The following CARM1 variants were observed in gnomAD, a reference collection of about 807,000 sequenced individuals.
CARM1 encodes the protein histone-arginine methyltransferase CARM1.
In CARM1, 14 loss-of-function variants were observed where a neutral mutation model predicts 72.7. That is an observed-to-expected ratio of 0.19 (90% CI 0.13 to 0.30). The LOEUF is 0.30. Among genes scored for constraint, CARM1 ranks in the 10% least tolerant of loss-of-function variants. The pLI, the probability that CARM1 is intolerant of heterozygous loss-of-function variation, is 1.00. For synonymous variants in CARM1, 333 were observed against 345.5 expected, an observed-to-expected ratio of 0.96 and a Z score of 0.40; for missense variants, 432 against 833.7, an observed-to-expected ratio of 0.52 and a Z score of 5.93.
intron 1 of CARM1, among the ~76,000 whole-genome samples, chr19:10,890,760 CATATACACACACACAT>C (rs1321692177): frequency 6.1e-4 from 75 of 122,966 alleles, no homozygotes; most frequent in Non-Finnish European, 1.2e-3. Flanking sequence ...TACACACACA[CATATACACACACACAT>C]ATATATATAT....
At chr19:10,883,044 T>C (rs1204678942) in intron 1 of CARM1, among the ~76,000 whole-genome samples, 1 of 152,002 alleles carries the variant, frequency 6.6e-6, no homozygotes, top group Non-Finnish European at 1.5e-5. Flanking sequence ...CTCTCTGCCT[T>C]TCCTGGCTGG....
chr19:10,910,476 G>C (rs1362684060), intron 4 of CARM1, among the ~76,000 whole-genome samples: 1 of 149,858 alleles, frequency 6.7e-6, no homozygotes, highest in Non-Finnish European at 1.5e-5. Flanking sequence ...GCAAGACTCC[G>C]TCTTAAAAAA....
chr19:10,917,382 C>T (rs2074206247), intron 8 of CARM1, among the ~76,000 whole-genome samples: 2 of 151,936 alleles, frequency 1.3e-5, no homozygotes, highest in Non-Finnish European at 2.9e-5. Flanking sequence ...GAGGCTGAGG[C>T]AGGAGAATGG....
In CARM1 at chr19:10,921,768, C is replaced by T. The variant is rs757974592; in HGVS notation, c.*11C>T. On this transcript the variant is annotated 3_prime_UTR_variant, in exon 16 of 16. Transcript: ENST00000327064. ...CACTACGGGAGCTAGGGGCCCGCCCCGCGGACTGACAGCACCAGGAAACCA... is the reference window on the plus strand; with the variant it reads ...CACTACGGGAGCTAGGGGCCCGCCCTGCGGACTGACAGCACCAGGAAACCA... 2.7e-5 allele frequency: 43 copies of T among 1,575,884 alleles called. No homozygotes were observed. The highest frequency in any genetic ancestry group is 4.5e-5 in the South Asian group (4 of 88,174).
At chr19:10,918,630 G>A (rs1319702299) in intron 8 of CARM1, among the ~76,000 whole-genome samples, 2 of 152,068 alleles carry the variant, frequency 1.3e-5, no homozygotes, top group Non-Finnish European at 2.9e-5. Flanking sequence ...AGTGTGCACC[G>A]CCCACCTTGC....
rs386474655 is a variant in CARM1 at position 10,915,398 on chromosome 19, G to T, written c.848-1009G>T. Among the ~76,000 whole-genome samples, 57 of 152,184 alleles carry T rather than the reference G, an allele frequency of 3.7e-4. No homozygotes were observed. Among genetic ancestry groups the T allele is most frequent in the South Asian group, 1.0e-3 (5 of 4,812 alleles). ...GTCCCAGCAGCCAGCTTGCAGGGAGGGGGGAGGCCAGGCCTGTGCAAGGAG... is the reference window on the plus strand; with the variant it reads ...GTCCCAGCAGCCAGCTTGCAGGGAGTGGGGAGGCCAGGCCTGTGCAAGGAG... On this transcript the variant is annotated intron_variant, in intron 6 of 15. Coordinates refer to ENST00000327064, the MANE Select transcript of CARM1 (RefSeq NM_199141.2). This position sits in a 1 kb window ranked among gnomAD's most constrained non-coding sequence, Gnocchi z 4.6.
chr19:10,913,695 G>A (rs1319298796), intron 5 of CARM1, among the ~76,000 whole-genome samples, 182 bp from the exon 6 acceptor site: 3 of 152,126 alleles, frequency 2.0e-5, no homozygotes, highest in Non-Finnish European at 2.9e-5. Flanking sequence ...CACCGTGCCC[G>A]GCCCACAGTG....
chr19:10,886,667 AAAT>A (rs1277597330), intron 1 of CARM1, among the ~76,000 whole-genome samples: 1 of 151,986 alleles, frequency 6.6e-6, no homozygotes, highest in Non-Finnish European at 1.5e-5. Context: ...CCCTACTAAA[AAAT>A]ACAAAAAAAA....
In CARM1 at chr19:10,916,667, C is replaced by A. The variant is rs1321689282; in HGVS notation, c.939-29C>A. 5 of 1,561,076 alleles carry A rather than the reference C, an allele frequency of 3.2e-6. No homozygotes were observed. The Admixed American group carries it at 5.6e-5, about 18-fold the overall frequency. ...CACCTGCCTCTTCTGCAGCCCTGACCTTGCTGTGGGGGTGGGGCCTGTCCA... is the reference window on the plus strand; with the variant it reads ...CACCTGCCTCTTCTGCAGCCCTGACATTGCTGTGGGGGTGGGGCCTGTCCA... On this transcript the variant is annotated intron_variant, in intron 7 of 15. Transcript: ENST00000327064. This position sits in a 1 kb window ranked among gnomAD's most constrained non-coding sequence, Gnocchi z 4.4.
intron 1 of CARM1, among the ~76,000 whole-genome samples, chr19:10,894,912 TTTA>T (rs1220497096): frequency 1.3e-5 from 2 of 151,910 alleles, no homozygotes; most frequent in African/African-American, 2.4e-5. Context: ...AGCTAATTTT[TTTA>T]TTATTATTTG....
At chr19:10,876,310 G>A (rs2083915857) in intron 1 of CARM1, among the ~76,000 whole-genome samples, 1 of 152,238 alleles carries the variant, frequency 6.6e-6, no homozygotes, top group African/African-American at 2.4e-5. Context: ...ACAGACGTGA[G>A]CCACTGCGCC....
chr19:10,895,787 A>G (rs2074019886), intron 1 of CARM1, among the ~76,000 whole-genome samples: 1 of 152,118 alleles, frequency 6.6e-6, no homozygotes, highest in South Asian at 2.1e-4. Context: ...AGAGCCCTGG[A>G]TCTGCGCTTT....
At chr19:10,875,585 C>T (rs372001245) in intron 1 of CARM1, among the ~76,000 whole-genome samples, 17 of 152,096 alleles carry the variant, frequency 1.1e-4, no homozygotes, top group Admixed American at 4.6e-4. Context: ...CCACCACGCC[C>T]GGCTAATTCT....
At chr19:10,906,575 G>C (rs1207193260) in intron 2 of CARM1, among the ~76,000 whole-genome samples, 3 of 152,130 alleles carry the variant, frequency 2.0e-5, no homozygotes, top group Non-Finnish European at 4.4e-5. Context: ...CGATTCTCCT[G>C]CCTCAGCGCC....
At chr19:10,914,257 C>T (rs1472307517) in intron 6 of CARM1, among the ~76,000 whole-genome samples, 1 of 152,204 alleles carries the variant, frequency 6.6e-6, no homozygotes, top group Non-Finnish European at 1.5e-5. Context: ...CGGCCAGACA[C>T]CCAGCTGCCC....
chr19:10,890,804 T>A (rs1408434321), intron 1 of CARM1, among the ~76,000 whole-genome samples: 1 of 131,954 alleles, frequency 7.6e-6, no homozygotes, highest in African/African-American at 2.9e-5. Flanking sequence ...TATTTTTTTT[T>A]TTTTTTTTTT....
At chr19:10,911,158 T>C (rs541744439) in intron 4 of CARM1, among the ~76,000 whole-genome samples, 2 of 152,352 alleles carry the variant, frequency 1.3e-5, no homozygotes, top group South Asian at 4.1e-4. Context: ...CCCAAAGTGC[T>C]GAGATTACAG....
intron 1 of CARM1, among the ~76,000 whole-genome samples, chr19:10,903,555 C>T (rs541178527): frequency 6.6e-6 from 1 of 151,696 alleles, no homozygotes; most frequent in South Asian, 2.1e-4. Context: ...CTCACATTTC[C>T]CTAGTTGTCT....
chr19:10,916,729 G>C lies in CARM1; in HGVS notation c.972G>C (p.Ser324=). Residue 324 remains serine, a synonymous_variant, in exon 8 of 16, where the codon TCG becomes TCC. Transcript: ENST00000327064. The surrounding 1 kb of genome is among the most constrained non-coding windows in gnomAD (Gnocchi z 4.4). Reference sequence around the variant, plus strand: ...CATCTTTCCATGGAGTGGACCTGTCGGCCCTCCGAGGTGCCGCGGTGGATG... The same window carrying C: ...CATCTTTCCATGGAGTGGACCTGTCCGCCCTCCGAGGTGCCGCGGTGGATG... ...YQPSFHGVDL[S]ALRGAAVDEY... is the part of the protein sequence containing the mutation. 1.3e-6 allele frequency: 2 copies of C among 1,556,124 alleles called. No homozygotes were observed. The highest frequency in any genetic ancestry group is 1.4e-5 in the African/African-American group (1 of 73,606).
Sources: allele counts gnomAD v4.1 joint callset (sites outside exome capture counted in the v4.1 genomes callset), GRCh38; gene constraint gnomAD v4.1.1; non-coding constraint Gnocchi (gnomAD v3.1); transcripts MANE v1.5; gene names NCBI Gene and HGNC (gene_info 2026-07-23, HGNC 2026-07-21).